STX18: variants seen among roughly 807,000 people sequenced by gnomAD.
The protein encoded by STX18 is syntaxin-18.
A neutral mutation model predicts 50.1 loss-of-function variants in STX18; 40 were observed. The observed-to-expected ratio is 0.80, with a 90% CI of 0.62 to 1.04. STX18 has a LOEUF of 1.04. Ranked by LOEUF, STX18 falls within the 50% of genes least tolerant of loss-of-function variation. The pLI is 0.00. For missense variants in STX18, 410 were observed against 415.8 expected, an observed-to-expected ratio of 0.99 and a Z score of 0.12; for synonymous variants, 158 against 151.8, an observed-to-expected ratio of 1.04 and a Z score of -0.30.
intron 7 of STX18, among the ~76,000 whole-genome samples, chr4:4,429,685 C>T (rs1725427992): frequency 6.6e-6 from 1 of 152,184 alleles, no homozygotes; most frequent in Non-Finnish European, 1.5e-5. Context: ...CGGACTCTGC[C>T]GTATCCTTCT....
At chr4:4,468,164 C>G (rs1577349604) in intron 2 of STX18, among the ~76,000 whole-genome samples, 1 of 152,162 alleles carries the variant, frequency 6.6e-6, no homozygotes. Context: ...AGATGTAATC[C>G]TAAGGCTTAC....
intron 6 of STX18, among the ~76,000 whole-genome samples, chr4:4,436,522 C>A (rs73793299): frequency 0.021 from 3,164 of 150,306 alleles, 108 homozygotes; most frequent in African/African-American, 0.074. Context: ...GAAACAGAAA[C>A]CTTGTTCATA....
chr4:4,458,064 C>T lies in STX18; in HGVS notation c.353-564G>A, dbSNP rs1199899105. On this transcript the variant is annotated intron_variant, in intron 3 of 10. Coordinates refer to ENST00000306200, the MANE Select transcript of STX18 (RefSeq NM_016930.4). ...CTTACCAGACCTAAAGTCTGTGCCACTGGTTTTGGTAAGATAGTGACCACT... is the reference window on the plus strand; with the variant it reads ...CTTACCAGACCTAAAGTCTGTGCCATTGGTTTTGGTAAGATAGTGACCACT... Among the ~76,000 whole-genome samples, 5 of 152,300 alleles carry T rather than the reference C, an allele frequency of 3.3e-5. 1 individual carries two copies. In the Middle Eastern group the frequency reaches 0.014, roughly 414 times the overall value.
intron 6 of STX18, among the ~76,000 whole-genome samples, chr4:4,436,659 T>C (rs1236538935): frequency 6.6e-6 from 1 of 152,208 alleles, no homozygotes; most frequent in Non-Finnish European, 1.5e-5. Context: ...AGGATCAGCC[T>C]GAAGCACAGC....
chr4:4,526,831 G>A (rs28706706), intron 1 of STX18, among the ~76,000 whole-genome samples: 23,165 of 151,974 alleles, frequency 0.15, 1,848 homozygotes, highest in Non-Finnish European at 0.18. Context: ...AATAAAAAAA[G>A]GCTTCAAAGA....
chr4:4,482,477 G>C (rs995436329), intron 1 of STX18, among the ~76,000 whole-genome samples: 2 of 152,152 alleles, frequency 1.3e-5, no homozygotes, highest in Non-Finnish European at 2.9e-5. Context: ...TAGATTCCAA[G>C]TTAGAACACC....
intron 1 of STX18, among the ~76,000 whole-genome samples, chr4:4,508,059 T>C (rs1729811669): frequency 6.6e-6 from 1 of 152,172 alleles, no homozygotes; most frequent in Non-Finnish European, 1.5e-5. Context: ...CTAGCTGGCC[T>C]TCCATCACTG....
intron 2 of STX18, among the ~76,000 whole-genome samples, chr4:4,461,530 T>A (rs1054250322): frequency 2.0e-5 from 3 of 152,324 alleles, no homozygotes; most frequent in Admixed American, 1.3e-4. Context: ...CAAAGCCTCA[T>A]AGGTCTGAAG....
chr4:4,426,765 C>G (rs973242996), intron 7 of STX18, among the ~76,000 whole-genome samples: 1 of 152,196 alleles, frequency 6.6e-6, no homozygotes, highest in African/African-American at 2.4e-5. Flanking sequence ...TTATCCAATC[C>G]TTGGTCAAAG....
intron 1 of STX18, among the ~76,000 whole-genome samples, chr4:4,514,229 C>T (rs7682040): frequency 0.15 from 23,210 of 152,140 alleles, 1,849 homozygotes; most frequent in Non-Finnish European, 0.18. Flanking sequence ...CAGAAAAATG[C>T]TTCTCAGTCT....
intron 7 of STX18, among the ~76,000 whole-genome samples, chr4:4,427,708 C>A (rs1258146698): frequency 6.6e-6 from 1 of 152,222 alleles, no homozygotes; most frequent in Non-Finnish European, 1.5e-5. Context: ...GTTTCCTCCC[C>A]AATTTGAGGG....
chr4:4,483,403 C>T (rs1728551026), intron 1 of STX18, among the ~76,000 whole-genome samples: 1 of 152,104 alleles, frequency 6.6e-6, no homozygotes, highest in Admixed American at 6.5e-5. Flanking sequence ...ACTCTTACAC[C>T]CATAGAAAAA....
chr4:4,436,866 T>C (rs1202732277), intron 6 of STX18, among the ~76,000 whole-genome samples: 1 of 152,024 alleles, frequency 6.6e-6, no homozygotes, highest in Non-Finnish European at 1.5e-5. Flanking sequence ...CCAGGCTTTC[T>C]GGCCTCTGAG....
intron 1 of STX18, among the ~76,000 whole-genome samples, chr4:4,496,911 G>A (rs1224774103): frequency 6.6e-6 from 1 of 152,234 alleles, no homozygotes; most frequent in Non-Finnish European, 1.5e-5. Context: ...CTTTCAAGGA[G>A]GTGGGGAGAA....
rs145830100 is a variant in STX18 at position 4,501,292 on chromosome 4, G to T, written c.169-29586C>A. 1.2e-3 allele frequency among the ~76,000 whole-genome samples: 183 copies of T among 152,204 alleles called. 1 individual carries two copies. The highest frequency in any genetic ancestry group is 5.0e-3 in the Admixed American group (77 of 15,296). On this transcript the variant is annotated intron_variant, in intron 1 of 10. Coordinates refer to ENST00000306200, the MANE Select transcript of STX18 (RefSeq NM_016930.4). ...TTCTAAAATATAGCCACATTTTTGC[G>T]ACATGGTTCCTCATTCTGTTTGCCT...
At chr4:4,451,158 A>G (rs976575144) in intron 5 of STX18, among the ~76,000 whole-genome samples, 8 of 152,220 alleles carry the variant, frequency 5.3e-5, no homozygotes, top group African/African-American at 1.9e-4. Flanking sequence ...TCTCTGACTG[A>G]AGGCTGAACA....
rs1727388217 is a variant in STX18 at position 4,461,749 on chromosome 4, G to C, written c.237-2262C>G. ...ACCTGGACAGAACCTGGGCTACCGG[G>C]GGGAATGCTTATTCCCTAATCCTCA... On this transcript the variant is annotated intron_variant, in intron 2 of 10. Transcript: ENST00000306200. 2.6e-5 allele frequency among the ~76,000 whole-genome samples: 4 copies of C among 152,286 alleles called. No homozygotes were observed. In the South Asian group the frequency reaches 8.3e-4, roughly 32 times the overall value.
chr4:4,457,403 T>C lies in STX18; in HGVS notation c.430+20A>G. The C allele has an allele frequency of 6.2e-7, 1 of 1,608,056 alleles. No individual in the cohort carries two copies. Among genetic ancestry groups the C allele is most frequent in the Non-Finnish European group, 8.5e-7 (1 of 1,175,094 alleles). ...CTATTGTGAAATGTTACATTTGACCTTTAAAAGAAAATGAAATACTTTTCA... is the reference window on the plus strand; with the variant it reads ...CTATTGTGAAATGTTACATTTGACCCTTAAAAGAAAATGAAATACTTTTCA... On this transcript the variant is annotated intron_variant, in intron 4 of 10. Transcript: ENST00000306200.
rs375684054 is a variant in STX18 at position 4,445,421 on chromosome 4, A to G, written c.498-6912T>C. Among the ~76,000 whole-genome samples, 259 of 152,232 alleles carry G rather than the reference A, an allele frequency of 1.7e-3. 2 individuals carry two copies. In the Middle Eastern group the frequency reaches 0.027, roughly 16 times the overall value. Reference sequence around the variant, plus strand: ...AACTACGTCTCAACAACAACAACAAAAACAAAAAACAAAAAAAAAGAAAAG... The same window carrying G: ...AACTACGTCTCAACAACAACAACAAGAACAAAAAACAAAAAAAAAGAAAAG... On this transcript the variant is annotated intron_variant, in intron 5 of 10. Coordinates refer to ENST00000306200, the MANE Select transcript of STX18 (RefSeq NM_016930.4).
Sources: allele counts gnomAD v4.1 joint callset (sites outside exome capture counted in the v4.1 genomes callset), GRCh38; gene constraint gnomAD v4.1.1; transcripts MANE v1.5; gene names NCBI Gene and HGNC (gene_info 2026-07-23, HGNC 2026-07-21).